MAGI1: variants seen among roughly 807,000 people sequenced by gnomAD.
The protein encoded by MAGI1 is membrane associated guanylate kinase, WW and PDZ domain containing 1.
MAGI1 carries 58 observed loss-of-function variants against 139.9 expected under a neutral mutation model. The observed-to-expected ratio is 0.41, with a 90% CI of 0.34 to 0.52. The LOEUF is 0.52. MAGI1 is among the 20% of genes least tolerant of loss of function. MAGI1 has a pLI of 0.12. For missense variants in MAGI1, 1,874 were observed against 1,901.6 expected, an observed-to-expected ratio of 0.99 and a Z score of 0.27; for synonymous variants, 812 against 737.9, an observed-to-expected ratio of 1.10 and a Z score of -1.63.
chr3:65,470,613 T>C (rs1203943627), intron 4 of MAGI1, 129 bp from the exon 5 acceptor site: 3 of 558,028 alleles, frequency 5.4e-6, no homozygotes, highest in Admixed American at 6.8e-5. Flanking sequence ...TCTTATCCTT[T>C]CCTAATTCCT....
intron 17 of MAGI1, 28 bp downstream of exon 17, chr3:65,379,233 C>T (rs747029001): frequency 6.2e-6 from 10 of 1,608,594 alleles, no homozygotes; most frequent in African/African-American, 1.3e-5. Flanking sequence ...GGTGGGAAAC[C>T]CTGGGTAATT....
intron 1 of MAGI1, among the ~76,000 whole-genome samples, chr3:65,940,545 T>TA (rs2063261575): frequency 6.6e-6 from 1 of 152,178 alleles, no homozygotes; most frequent in Non-Finnish European, 1.5e-5. Flanking sequence ...CCCTATGATC[T>TA]AAATACCTCC....
intron 6 of MAGI1, among the ~76,000 whole-genome samples, chr3:65,451,456 T>C (rs911036518): frequency 2.6e-5 from 4 of 152,214 alleles, no homozygotes; most frequent in Non-Finnish European, 4.4e-5. Flanking sequence ...TGAGTAGTCA[T>C]TATCCAAAAT....
intron 1 of MAGI1, among the ~76,000 whole-genome samples, chr3:65,691,733 A>C (rs914693164): frequency 6.6e-6 from 1 of 152,204 alleles, no homozygotes; most frequent in African/African-American, 2.4e-5. Flanking sequence ...AAAATAATAT[A>C]GTTCCAGAAG....
intron 1 of MAGI1, among the ~76,000 whole-genome samples, chr3:66,018,089 C>A (rs1244172234): frequency 1.7e-5 from 2 of 120,206 alleles, no homozygotes; most frequent in Non-Finnish European, 3.3e-5. Flanking sequence ...AACCAGGAGA[C>A]AAAGATAAGG....
At chr3:65,528,420 G>A (rs1476121605) in intron 2 of MAGI1, among the ~76,000 whole-genome samples, 2 of 152,164 alleles carry the variant, frequency 1.3e-5, no homozygotes, top group Admixed American at 1.3e-4. Flanking sequence ...GGCAGGACAG[G>A]GACTAGGGCC....
At chr3:65,695,305 TTAAATAATA>T (rs201535630) in intron 1 of MAGI1, among the ~76,000 whole-genome samples, 17,813 of 152,186 alleles carry the variant, frequency 0.12, 1,585 homozygotes, top group East Asian at 0.43. Context: ...ATCACCCCCA[TTAAATAATA>T]GATGTGGCCA....
intron 13 of MAGI1, among the ~76,000 whole-genome samples, chr3:65,392,196 C>T (rs1301369606): frequency 1.3e-5 from 2 of 152,148 alleles, no homozygotes. Context: ...ATCTGCTCAG[C>T]AAAGACCCTT....
At chr3:65,440,977 T>C (rs1343409639) in intron 8 of MAGI1, among the ~76,000 whole-genome samples, 1 of 151,976 alleles carries the variant, frequency 6.6e-6, no homozygotes, top group Non-Finnish European at 1.5e-5. Context: ...ATTTATTGTT[T>C]TTTGAGACAG....
At chr3:66,026,970 T>C (rs2068303418) in intron 1 of MAGI1, among the ~76,000 whole-genome samples, 1 of 151,532 alleles carries the variant, frequency 6.6e-6, no homozygotes, top group Non-Finnish European at 1.5e-5. Context: ...CTTCTTTTTC[T>C]TAAAAAAAGA....
intron 1 of MAGI1, among the ~76,000 whole-genome samples, chr3:65,999,294 T>G (rs979463163): frequency 7.9e-5 from 12 of 151,996 alleles, no homozygotes; most frequent in East Asian, 7.7e-4. Flanking sequence ...AAATTATAAT[T>G]TAGGGGGATA....
chr3:65,983,757 G>A (rs1009526453), intron 1 of MAGI1, among the ~76,000 whole-genome samples: 32 of 152,028 alleles, frequency 2.1e-4, no homozygotes, highest in Admixed American at 5.2e-4. Context: ...GACAATGGCC[G>A]CTTCCAGGGT....
At chr3:65,845,986 C>T (rs927816963) in intron 1 of MAGI1, among the ~76,000 whole-genome samples, 2 of 152,168 alleles carry the variant, frequency 1.3e-5, no homozygotes, top group South Asian at 2.1e-4. Context: ...GCTAAAAAAG[C>T]TTAAATCTTT....
chr3:65,603,545 G>C (rs2082580540), intron 2 of MAGI1, among the ~76,000 whole-genome samples: 1 of 152,214 alleles, frequency 6.6e-6, no homozygotes, highest in African/African-American at 2.4e-5. Context: ...ATAAAAGGGA[G>C]GCATTACTGC....
At chr3:65,739,269 T>C (rs181927697) in intron 1 of MAGI1, among the ~76,000 whole-genome samples, 4 of 152,358 alleles carry the variant, frequency 2.6e-5, no homozygotes, top group Admixed American at 2.6e-4. Context: ...TTCAAACTTT[T>C]CTTCTGCAGC....
rs752025303 is a variant in MAGI1 at position 65,356,333 on chromosome 3, C to T, written c.*45G>A. 1 of 1,508,950 alleles carries T rather than the reference C, an allele frequency of 6.6e-7. No individual in the cohort carries two copies. The highest frequency in any genetic ancestry group is 8.8e-7 in the Non-Finnish European group (1 of 1,137,102). 93.5% of individuals were successfully genotyped at this position (1,508,950 alleles called of 1,614,324 possible). ...ATAATTTCAGGTTTGTGACTTTCCT[C>T]TTAGAACCTTTGACACGGTAAAGGT... On this transcript the variant is annotated 3_prime_UTR_variant, in exon 23 of 23. Transcript: ENST00000402939.
intron 1 of MAGI1, among the ~76,000 whole-genome samples, chr3:65,643,538 A>G (rs1463774578): frequency 1.3e-5 from 2 of 152,166 alleles, no homozygotes; most frequent in Admixed American, 1.3e-4. Flanking sequence ...CAGACCAACT[A>G]GGAACCTTGG....
At chr3:65,359,640 T>C (rs1282819604) in intron 22 of MAGI1, 1 of 990,422 alleles carries the variant, frequency 1.0e-6, no homozygotes. Context: ...TTATAACCCA[T>C]TTGTGACTCT....
intron 2 of MAGI1, among the ~76,000 whole-genome samples, chr3:65,504,508 T>C (rs144263424): frequency 4.8e-4 from 73 of 152,256 alleles, no homozygotes; most frequent in African/African-American, 1.7e-3. Context: ...TGAAACCAGG[T>C]TTTTGTTACT....
Sources: gnomAD v4.1 joint callset for allele counts (sites outside exome capture counted in the v4.1 genomes callset) on GRCh38, gnomAD v4.1.1 for gene constraint, MANE v1.5 for transcripts, NCBI Gene and HGNC (gene_info 2026-07-23, HGNC 2026-07-21) for gene names.